Variants in FAT3 observed in about 807,000 individuals in gnomAD.
FAT3 encodes protocadherin Fat 3.
In FAT3, 95 loss-of-function variants were observed where a neutral mutation model predicts 310.2. That is an observed-to-expected ratio of 0.31 (90% CI 0.26 to 0.36). The LOEUF is 0.36. FAT3 is among the 10% of genes least tolerant of loss of function. The pLI is 1.00. For synonymous variants in FAT3, 2,314 were observed against 2,192.9 expected (o/e 1.06, Z -1.54); for missense variants, 5,408 against 5,715.6 (o/e 0.95, Z 1.74).
chr11:92,705,607 G>GGTA (rs1555123829), intron 4 of FAT3, among the ~76,000 whole-genome samples: 1 of 94 alleles, frequency 0.011, no homozygotes, highest in Non-Finnish European at 0.022. Flanking sequence ...GTGGTGTGAT[G>GGTA]TGGTGGTGGT....
In FAT3 at chr11:92,895,846, G is replaced by C. The variant is rs981236910; in HGVS notation, c.*4733G>C. 1 of 152,032 alleles carries C rather than the reference G, an allele frequency of 6.6e-6. No individual in the cohort carries two copies. Among genetic ancestry groups the C allele is most frequent in the African/African-American group, 2.4e-5 (1 of 41,378 alleles). The allele number at this position is 152,032 out of a possible 1,614,324, so 9.4% of individuals were successfully genotyped here. A position where few individuals can be genotyped will look rare whatever the true frequency, so the allele number is the denominator to read the frequency against. The stretch of plus-strand genomic sequence containing the variant: ...AGATACTATATTTGATGCCTATCAG[G>C]ATGCTTTAATTTGGGGGGTCGAATA... On this transcript the variant is annotated 3_prime_UTR_variant, in exon 28 of 28. Coordinates refer to ENST00000525166, the MANE Select transcript of FAT3 (RefSeq NM_001367949.2).
chr11:92,228,150 G>A (rs978012899), intron 1 of FAT3, among the ~76,000 whole-genome samples: 1 of 152,178 alleles, frequency 6.6e-6, no homozygotes, highest in African/African-American at 2.4e-5. Flanking sequence ...ATGAAAGGCA[G>A]CTGGCTCAGA....
chr11:92,862,602 T>C (rs1267177406), intron 21 of FAT3, among the ~76,000 whole-genome samples: 1 of 152,140 alleles, frequency 6.6e-6, no homozygotes, highest in East Asian at 1.9e-4. Flanking sequence ...GAAAGCTCAT[T>C]TGGTTTGTAA....
intron 1 of FAT3, among the ~76,000 whole-genome samples, chr11:92,299,411 G>T (rs1216801232): frequency 6.6e-6 from 1 of 152,056 alleles, no homozygotes; most frequent in African/African-American, 2.4e-5. Flanking sequence ...TAGATAATAG[G>T]TGCAGTAAAG....
At chr11:92,836,458 G>T in intron 15 of FAT3, 108 bp from the exon 16 acceptor site, 3 of 1,305,240 alleles carry the variant, frequency 2.3e-6, no homozygotes, top group South Asian at 3.3e-5. Flanking sequence ...CAGAGCTCCC[G>T]AGAAAACTGT....
chr11:92,344,672 G>A (rs1948362813), intron 1 of FAT3, among the ~76,000 whole-genome samples: 1 of 152,186 alleles, frequency 6.6e-6, no homozygotes, highest in South Asian at 2.1e-4. Flanking sequence ...GAAGAAATCT[G>A]TGCTGGTTTT....
chr11:92,695,485 A>T (rs1244909647), intron 3 of FAT3, among the ~76,000 whole-genome samples: 1 of 152,074 alleles, frequency 6.6e-6, no homozygotes, highest in Non-Finnish European at 1.5e-5. Flanking sequence ...CACACAGAGG[A>T]ACTCTGCAAA....
intron 1 of FAT3, among the ~76,000 whole-genome samples, chr11:92,287,561 C>G (rs529108614): frequency 8.5e-5 from 13 of 152,232 alleles, no homozygotes; most frequent in South Asian, 8.3e-4. Flanking sequence ...ATGCTACTGT[C>G]AAGAAGTAGA....
intron 1 of FAT3, among the ~76,000 whole-genome samples, chr11:92,246,061 G>A (rs987667649): frequency 2.0e-5 from 3 of 152,106 alleles, no homozygotes; most frequent in African/African-American, 2.4e-5. Context: ...TGGCAGTTAG[G>A]ATGCCATGAC....
chr11:92,325,972 C>T (rs900856087), intron 1 of FAT3, among the ~76,000 whole-genome samples: 1 of 152,170 alleles, frequency 6.6e-6, no homozygotes, highest in African/African-American at 2.4e-5. Context: ...TTCTTTTATG[C>T]ATTACTAAGC....
intron 4 of FAT3, among the ~76,000 whole-genome samples, chr11:92,730,681 G>A (rs1329390150): frequency 2.0e-5 from 3 of 152,084 alleles, no homozygotes; most frequent in Non-Finnish European, 4.4e-5. Context: ...TCTCCATGTG[G>A]GATTCCTAGA....
intron 3 of FAT3, among the ~76,000 whole-genome samples, chr11:92,563,133 C>T (rs770580301): frequency 3.3e-5 from 5 of 152,186 alleles, no homozygotes; most frequent in African/African-American, 4.8e-5. Flanking sequence ...ACGTTGTACC[C>T]ATGGATTCTC....
chr11:92,312,784 C>T (rs757158319), intron 1 of FAT3, among the ~76,000 whole-genome samples: 10 of 152,148 alleles, frequency 6.6e-5, no homozygotes, highest in Non-Finnish European at 1.3e-4. Context: ...AAACCATATC[C>T]ATGGACCTGG....
intron 3 of FAT3, among the ~76,000 whole-genome samples, chr11:92,586,892 G>T (rs1939183954): frequency 6.6e-6 from 1 of 151,944 alleles, no homozygotes; most frequent in South Asian, 2.1e-4. Context: ...ATACTAACTG[G>T]AGAGGTTTTT....
chr11:92,647,844 A>T (rs530207263), intron 3 of FAT3, among the ~76,000 whole-genome samples: 19 of 152,156 alleles, frequency 1.2e-4, no homozygotes, highest in Admixed American at 5.2e-4. Context: ...TTGCTCCAGG[A>T]TAAGCAGGGT....
At chr11:92,396,441 G>A (rs192863458) in intron 2 of FAT3, among the ~76,000 whole-genome samples, 1 of 152,302 alleles carries the variant, frequency 6.6e-6, no homozygotes, top group African/African-American at 2.4e-5. Flanking sequence ...CTCTCATACA[G>A]CCTGGCAATG....
chr11:92,887,846 C>G (rs1464372256), intron 25 of FAT3, among the ~76,000 whole-genome samples: 3 of 152,284 alleles, frequency 2.0e-5, no homozygotes, highest in Middle Eastern at 3.4e-3. Context: ...AGTCATAAAA[C>G]AGTGAGTGTT....
rs192318781 is a variant in FAT3 at position 92,499,859 on chromosome 11, T to A, written c.3293-24775T>A. 2.2e-4 allele frequency among the ~76,000 whole-genome samples: 34 copies of A among 151,860 alleles called. 1 individual carries two copies. The East Asian group carries it at 3.3e-3, about 15-fold the overall frequency. ...AGAAGTGTGACTTCCCTCAGGAAAG[T>A]GATAGAATAGAGCTAGAAGAGACTG... On this transcript the variant is annotated intron_variant, in intron 2 of 27. Coordinates refer to ENST00000525166, the MANE Select transcript of FAT3 (RefSeq NM_001367949.2).
At chr11:92,705,114 C>T (rs1045648133) in intron 4 of FAT3, among the ~76,000 whole-genome samples, 3 of 152,194 alleles carry the variant, frequency 2.0e-5, no homozygotes, top group South Asian at 4.1e-4. Flanking sequence ...GTGTTGCCAG[C>T]GTACCTTTCT....
Sources: allele counts gnomAD v4.1 joint callset (sites outside exome capture counted in the v4.1 genomes callset), GRCh38; gene constraint gnomAD v4.1.1; transcripts MANE v1.5; gene names NCBI Gene and HGNC (gene_info 2026-07-23, HGNC 2026-07-21).